The following MYLK variants were observed in gnomAD, a reference collection of about 807,000 sequenced individuals.
MYLK encodes the protein myosin light chain kinase.
In MYLK, 106 loss-of-function variants were observed where a neutral mutation model predicts 203.4. The observed-to-expected ratio is 0.52, with a 90% CI of 0.45 to 0.61. The LOEUF (loss-of-function observed/expected upper bound fraction) is 0.61. Ranked by LOEUF, MYLK falls within the 20% of genes least tolerant of loss-of-function variation. The pLI is 0.00. For synonymous variants in MYLK, 867 were observed against 959.5 expected (o/e 0.90, Z 1.78); for missense variants, 2,072 against 2,442.3 (o/e 0.85, Z 3.20).
chr3:123,640,113 AT>A lies in MYLK; in HGVS notation c.4837+173del, dbSNP rs774327281. ...TATGATCCCACTTTTCTGATGGGGAATTTGAGGCTTACTGTCACGTCTAGTA... is the reference window on the plus strand; with the variant it reads ...TATGATCCCACTTTTCTGATGGGGAATTGAGGCTTACTGTCACGTCTAGTA... On this transcript the variant is annotated intron_variant, in intron 28 of 33. Transcript: ENST00000360304. The surrounding 1 kb of genome is among the most constrained non-coding windows in gnomAD (Gnocchi z 4.3). 1.1e-4 allele frequency among the ~76,000 whole-genome samples: 16 copies of A among 151,806 alleles called. No individual in the cohort carries two copies. The highest frequency in any genetic ancestry group is 2.0e-4 in the Admixed American group (3 of 15,250).
intron 31 of MYLK, chr3:123,622,574 C>T (rs2057925608): frequency 6.6e-6 from 1 of 152,078 alleles, no homozygotes; most frequent in African/African-American, 2.4e-5. Flanking sequence ...TAAAATGAAG[C>T]TATCAGAATG....
chr3:123,871,440 A>T (rs185623418), intron 2 of MYLK, among the ~76,000 whole-genome samples: 153 of 152,358 alleles, frequency 1.0e-3, no homozygotes, highest in African/African-American at 3.5e-3. Flanking sequence ...AGATTGACCA[A>T]GAGCAAAAGA....
intron 4 of MYLK, among the ~76,000 whole-genome samples, chr3:123,789,659 CAAAAAAAAA>C (rs745766578): frequency 7.6e-5 from 6 of 78,718 alleles, no homozygotes; most frequent in African/African-American, 1.4e-4. Flanking sequence ...GCTGGCAAAG[CAAAAAAAAA>C]AAAAAAAAAA....
At position 123,700,107 on chromosome 3, in the gene MYLK, C is replaced by T; in HGVS notation, c.3361G>A (p.Val1121Met). The T allele has an allele frequency of 6.2e-7, 1 of 1,613,948 alleles. No individual in the cohort carries two copies. ...EGKKLLLQCQ[V>M]SSDPPATIIW... is the part of the protein sequence containing the mutation. The stretch of plus-strand genomic sequence containing the variant: ...ATGGTGGCTGGGGGGTCAGAAGACA[C>T]CTGGCACTGGAGCAGCAGCTTCTTG... Residue 1121 changes from valine to methionine, a missense_variant, in exon 18 of 34, where the codon GTG becomes ATG. Physicochemically the swap from Val to Met is conservative, Grantham distance 21. Around this residue, in one of 3 missense-constraint regions of MYLK, gnomAD observed 865 missense variants for 1,016.0 expected, o/e 0.85. Transcript: ENST00000360304.
chr3:123,658,246 C>A (rs549170231), intron 23 of MYLK, among the ~76,000 whole-genome samples: 1 of 152,298 alleles, frequency 6.6e-6, no homozygotes, highest in African/African-American at 2.4e-5. Context: ...CAAATCACAG[C>A]CATCCCTGAC....
At chr3:123,867,012 C>G (rs1305861722) in intron 2 of MYLK, among the ~76,000 whole-genome samples, 1 of 152,088 alleles carries the variant, frequency 6.6e-6, no homozygotes, top group East Asian at 1.9e-4. Context: ...TAAGCTCTTT[C>G]TGCTATGGCT....
chr3:123,651,028 TCGG>T (rs2059195143), intron 24 of MYLK, among the ~76,000 whole-genome samples: 1 of 152,106 alleles, frequency 6.6e-6, no homozygotes, highest in Non-Finnish European at 1.5e-5. Flanking sequence ...GCTCTGGCTG[TCGG>T]CAGTCCAAAA....
At chr3:123,668,717 C>A (rs1189977922) in intron 20 of MYLK, among the ~76,000 whole-genome samples, 1 of 152,130 alleles carries the variant, frequency 6.6e-6, no homozygotes, top group Non-Finnish European at 1.5e-5. Flanking sequence ...CTTCCCTAAC[C>A]ACCCCATACA....
intron 4 of MYLK, among the ~76,000 whole-genome samples, chr3:123,754,129 A>C (rs538244349): frequency 7.2e-5 from 11 of 152,322 alleles, no homozygotes; most frequent in Middle Eastern, 3.4e-3. Context: ...GACTGTGCTC[A>C]GTTTTCTTCC....
chr3:123,854,789 C>G (rs2031200371), intron 2 of MYLK, among the ~76,000 whole-genome samples: 1 of 152,076 alleles, frequency 6.6e-6, no homozygotes, highest in Non-Finnish European at 1.5e-5. Context: ...CAAAATATAT[C>G]CTTTAATAGT....
At chr3:123,674,463 A>G (rs1311961552) in intron 20 of MYLK, among the ~76,000 whole-genome samples, 1 of 152,186 alleles carries the variant, frequency 6.6e-6, no homozygotes, top group Non-Finnish European at 1.5e-5. Flanking sequence ...AACTCATCTT[A>G]CGAGGTCTTT....
Position 123,709,855 on chromosome 3 carries a change from C to G in MYLK, c.1843G>C (p.Val615Leu). ...GGTGCAGTGGGCTTGCTGGGAGCCA[C>G]AGGCAGAAGGTACTCACTCTTCCTG... ...SSRKSEYLLPVAPSKPTAPIF... is the reference protein window; with the variant it reads ...SSRKSEYLLPLAPSKPTAPIF... Residue 615 changes from valine to leucine, a missense_variant, in exon 14 of 34, where the codon GTG becomes CTG. Around this residue, in one of 3 missense-constraint regions of MYLK, gnomAD observed 865 missense variants for 1,016.0 expected, o/e 0.85. Coordinates refer to ENST00000360304, the MANE Select transcript of MYLK (RefSeq NM_053025.4). 1 of 1,614,178 alleles carries G rather than the reference C, an allele frequency of 6.2e-7. No homozygotes were observed. The highest frequency in any genetic ancestry group is 1.1e-5 in the South Asian group (1 of 91,084).
At chr3:123,767,725 A>T (rs1005772062) in intron 4 of MYLK, among the ~76,000 whole-genome samples, 3 of 152,208 alleles carry the variant, frequency 2.0e-5, no homozygotes, top group South Asian at 4.1e-4. Context: ...GGGAAGAAGT[A>T]AGGATGGGTG....
chr3:123,878,113 G>A (rs2033277167), intron 1 of MYLK, among the ~76,000 whole-genome samples: 1 of 152,116 alleles, frequency 6.6e-6, no homozygotes, highest in African/African-American at 2.4e-5. Flanking sequence ...CAGGCACCAG[G>A]CTATGAGTAA....
chr3:123,786,190 C>A (rs936027107), intron 4 of MYLK, among the ~76,000 whole-genome samples: 2 of 151,714 alleles, frequency 1.3e-5, no homozygotes, highest in African/African-American at 4.8e-5. Flanking sequence ...GTAGTCCCAG[C>A]TACTCAGGAG....
At chr3:123,701,278 TCTCC>T (rs991205135) in intron 17 of MYLK, among the ~76,000 whole-genome samples, 156 bp downstream of exon 17, 1 of 146,732 alleles carries the variant, frequency 6.8e-6, no homozygotes, top group Non-Finnish European at 1.5e-5. Flanking sequence ...CTTCCCCTGC[TCTCC>T]CTCCCTCATT....
intron 20 of MYLK, among the ~76,000 whole-genome samples, chr3:123,678,471 G>C (rs2060148539): frequency 6.6e-6 from 1 of 151,996 alleles, no homozygotes; most frequent in African/African-American, 2.4e-5. Flanking sequence ...GCTTGGGTTG[G>C]GGTGGATGCC....
chr3:123,722,371 G>A (rs2062123339), intron 12 of MYLK, 91 bp from the exon 13 acceptor site: 4 of 1,143,894 alleles, frequency 3.5e-6, no homozygotes, highest in South Asian at 2.7e-5. Context: ...CTGTCATGAC[G>A]CTGAGACTTG....
At chr3:123,811,013 G>C (rs1481208359) in intron 3 of MYLK, among the ~76,000 whole-genome samples, 1 of 152,154 alleles carries the variant, frequency 6.6e-6, no homozygotes, top group Admixed American at 6.5e-5. Flanking sequence ...TTTTCTCCCA[G>C]CCCTAAATCT....
Sources: gnomAD v4.1 joint callset for allele counts (sites outside exome capture counted in the v4.1 genomes callset) on GRCh38, gnomAD v4.1.1 for gene constraint, gnomAD v4.1.1 regional missense constraint, Gnocchi (gnomAD v3.1) non-coding constraint, MANE v1.5 for transcripts, NCBI Gene and HGNC (gene_info 2026-07-23, HGNC 2026-07-21) for gene names.